The following ATCAY variants were observed in gnomAD, a reference collection of about 807,000 sequenced individuals.
ATCAY encodes the protein ATCAY kinesin light chain interacting caytaxin.
A neutral mutation model predicts 47.7 loss-of-function variants in ATCAY; 22 were observed. The ratio of observed to expected loss-of-function variants is 0.46; its 90% confidence interval spans 0.33 to 0.66. ATCAY has a LOEUF of 0.66. Among genes scored for constraint, ATCAY ranks in the 30% least tolerant of loss-of-function variants. ATCAY has a pLI of 0.02. For missense variants in ATCAY, 452 were observed against 515.0 expected (o/e 0.88, Z 1.18); for synonymous variants, 216 against 207.6 (o/e 1.04, Z -0.35).
In ATCAY at chr19:3,907,681, C is replaced by T. The variant is rs2038874510; in HGVS notation, c.359-53C>T. 1.2e-6 allele frequency: 2 copies of T among 1,600,866 alleles called. No homozygotes were observed. The highest frequency in any genetic ancestry group is 1.7e-5 in the Admixed American group (1 of 58,712). ...GGGGAAGGAAGGCTGAGCAGGAGGG[C>T]AGGAGATATCCGGACTCTGGCGTCC... On this transcript the variant is annotated intron_variant, in intron 4 of 12. Transcript: ENST00000450849. The surrounding 1 kb of genome is among the most constrained non-coding windows in gnomAD (Gnocchi z 5.1).
At chr19:3,923,858 GGATA>G (rs2039041929) in intron 12 of ATCAY, among the ~76,000 whole-genome samples, 1 of 150,138 alleles carries the variant, frequency 6.7e-6, no homozygotes, top group Non-Finnish European at 1.5e-5. Flanking sequence ...ATGGATGGAT[GGATA>G]GATAGGTGGA....
chr19:3,900,101 C>A (rs191548809), intron 2 of ATCAY, among the ~76,000 whole-genome samples: 2 of 151,938 alleles, frequency 1.3e-5, no homozygotes, highest in East Asian at 3.9e-4. Context: ...TGATCAATAA[C>A]AATATTGATC....
rs539306637 is a variant in ATCAY, at chr19:3,881,821, G to A, written c.-42+813G>A. On this transcript the variant is annotated intron_variant, in intron 1 of 12. Transcript: ENST00000450849. ...AGAGCAAATGCGTTTCTACTGCCGA[G>A]GAGAACTTACCCTCGCGGGAAGGGC... is the stretch of plus-strand genomic sequence containing the variant. Among the ~76,000 whole-genome samples the A allele has an allele frequency of 1.8e-4, 28 of 151,668 alleles. 1 individual carries two copies. In the South Asian group the frequency reaches 5.9e-3, roughly 32 times the overall value.
At chr19:3,882,157 T>A (rs1481033292) in intron 1 of ATCAY, among the ~76,000 whole-genome samples, 3 of 152,106 alleles carry the variant, frequency 2.0e-5, no homozygotes, top group Admixed American at 2.0e-4. Context: ...AGAGGCAGCC[T>A]GGATGCCATG....
Position 3,885,860 on chromosome 19 carries a change from C to G in ATCAY, c.77+16C>G. ...ATCTTCCCAGGTAGGACTTCCACAT[C>G]CCTGAGTCAACCGTTGGGGGAGCAG... On this transcript the variant is annotated intron_variant, in intron 2 of 12. Transcript: ENST00000450849. 6.4e-7 allele frequency: 1 copy of G among 1,550,830 alleles called. No individual in the cohort carries two copies. Among genetic ancestry groups the G allele is most frequent in the African/African-American group, 1.4e-5 (1 of 73,110 alleles).
chr19:3,890,239 C>T (rs1367601977), intron 2 of ATCAY, among the ~76,000 whole-genome samples: 1 of 138,136 alleles, frequency 7.2e-6, no homozygotes, highest in Non-Finnish European at 1.5e-5. Context: ...GGCCCAGCTC[C>T]ACCTATAATT....
chr19:3,907,842 C>T lies in ATCAY; in HGVS notation c.467C>T (p.Thr156Ile), dbSNP rs749084637. 6.2e-7 allele frequency: 1 copy of T among 1,613,980 alleles called. No homozygotes were observed. Among genetic ancestry groups the T allele is most frequent in the Non-Finnish European group, 8.5e-7 (1 of 1,179,860 alleles). ...GCCGCCAACGGGCGCCTGTGGCGGA[C>T]AGTGATCATCGGGGAGCAAGAGCAC... ...GSAANGRLWR[T>I]VIIGEQEHRI... is the part of the protein sequence containing the mutation. Residue 156 changes from threonine (T) to isoleucine (I), a missense_variant, in exon 5 of 13, where the codon ACA becomes ATA. Thr to Ile is a moderately conservative substitution (Grantham distance 89). Coordinates refer to ENST00000450849, the MANE Select transcript of ATCAY (RefSeq NM_033064.5). The surrounding 1 kb of genome is among the most constrained non-coding windows in gnomAD (Gnocchi z 5.1).
In ATCAY at chr19:3,907,241, T is replaced by C. The variant is rs1281721778; in HGVS notation, c.359-493T>C. The stretch of plus-strand genomic sequence containing the variant: ...AGGAGGATCGCTTAAGGCCAGGAGT[T>C]TGAGACCAGCCTGGGCAACATATTG... On this transcript the variant is annotated intron_variant, in intron 4 of 12. Coordinates refer to ENST00000450849, the MANE Select transcript of ATCAY (RefSeq NM_033064.5). The surrounding 1 kb of genome is among the most constrained non-coding windows in gnomAD (Gnocchi z 5.1). Among the ~76,000 whole-genome samples the C allele has an allele frequency of 6.6e-6, 1 of 151,930 alleles. No homozygotes were observed. The highest frequency in any genetic ancestry group is 1.9e-4 in the East Asian group (1 of 5,178).
At chr19:3,905,145 A>T (rs1315658886) in intron 3 of ATCAY, among the ~76,000 whole-genome samples, 2 of 152,180 alleles carry the variant, frequency 1.3e-5, no homozygotes, top group Non-Finnish European at 1.5e-5. Flanking sequence ...GGCGTGAGCC[A>T]CCGCACCCGG....
chr19:3,918,720 A>G (rs2038989399), intron 10 of ATCAY, 86 bp from the exon 11 acceptor site: 16 of 1,442,236 alleles, frequency 1.1e-5, no homozygotes, highest in Non-Finnish European at 1.4e-5. Flanking sequence ...GGACAGGAAA[A>G]CCAGAGAGGC....
intron 2 of ATCAY, among the ~76,000 whole-genome samples, chr19:3,899,409 G>A (rs910362807): frequency 6.7e-6 from 1 of 149,642 alleles, no homozygotes; most frequent in Non-Finnish European, 1.5e-5. Flanking sequence ...CGCCTCCAGG[G>A]TTCAAGTGAT....
In ATCAY at chr19:3,920,446, G is replaced by A. The variant is rs113333586; in HGVS notation, c.1074-320G>A. On this transcript the variant is annotated intron_variant, in intron 11 of 12. Coordinates refer to ENST00000450849, the MANE Select transcript of ATCAY (RefSeq NM_033064.5). ...CAACCTCCACCTCCCGGGTTCAAGC[G>A]ATTCTCCTGCCTCAGCCTCCCGAGT... 660 of 159,096 alleles carry A rather than the reference G, an allele frequency of 4.1e-3. 5 individuals are homozygous for A. Among genetic ancestry groups the A allele is most frequent in the African/African-American group, 0.015 (626 of 41,422 alleles). The allele number at this position is 159,096 out of a possible 1,614,324, so 9.9% of individuals were successfully genotyped here. A position where few individuals can be genotyped will look rare whatever the true frequency, so the allele number is the denominator to read the frequency against.
chr19:3,907,710 C>A lies in ATCAY; in HGVS notation c.359-24C>A, dbSNP rs751261320. ...AGATATCCGGACTCTGGCGTCCATG[C>A]GACTCTCCGCCACCTGCTTCTAGAC... On this transcript the variant is annotated intron_variant, in intron 4 of 12. Transcript: ENST00000450849. This position sits in a 1 kb window ranked among gnomAD's most constrained non-coding sequence, Gnocchi z 5.1. 1.2e-5 allele frequency: 19 copies of A among 1,612,896 alleles called. No homozygotes were observed. Among genetic ancestry groups the A allele is most frequent in the Admixed American group, 1.7e-5 (1 of 59,756 alleles).
chr19:3,919,570 G>A (rs1336213007), intron 11 of ATCAY, among the ~76,000 whole-genome samples: 3 of 151,768 alleles, frequency 2.0e-5, no homozygotes, highest in Non-Finnish European at 4.4e-5. Context: ...CCAGCCTGGC[G>A]ACAGAATGAG....
intron 5 of ATCAY, 99 bp downstream of exon 5, chr19:3,908,018 GC>G (rs2038880396): frequency 6.9e-7 from 1 of 1,450,140 alleles, no homozygotes; most frequent in South Asian, 1.2e-5. Flanking sequence ...GGGATGTTAA[GC>G]CGTCAACTCG....
rs145391309 is a variant in ATCAY, at chr19:3,924,895, G to A, written c.*303G>A. 15 of 381,584 alleles carry A rather than the reference G, an allele frequency of 3.9e-5. No homozygotes were observed. The highest frequency in any genetic ancestry group is 6.7e-5 in the Non-Finnish European group (14 of 207,712). The allele number at this position is 381,584 out of a possible 1,614,324, so 23.6% of individuals were successfully genotyped here. ...AGGCAAGAAGCGCAGGGGGTGGCCC[G>A]CGTGGCGTCGGTGGCCTCCGCTCCT... On this transcript the variant is annotated 3_prime_UTR_variant, in exon 13 of 13. Transcript: ENST00000450849.
At position 3,910,842 on chromosome 19, in the gene ATCAY, C is replaced by T. The variant is rs1014676893; in HGVS notation, c.819C>T (p.Pro273=). 8 of 1,613,922 alleles carry T rather than the reference C, an allele frequency of 5.0e-6. No homozygotes were observed. In the African/African-American group the frequency reaches 5.3e-5, roughly 11 times the overall value. ...TGAAGTCCTTGATCATCGTCCACCC[C>T]TCGTGGTTCATTCGGACTGTGCTGG... ...KNLKSLIIVH[P]SWFIRTVLAI... is the part of the protein sequence containing the mutation. The change falls in exon 8 of 13, where the codon CCC becomes CCT. Residue 273 remains proline, a synonymous_variant. Coordinates refer to ENST00000450849, the MANE Select transcript of ATCAY (RefSeq NM_033064.5).
At chr19:3,924,466 G>T (rs769465802) in intron 12 of ATCAY, 117 bp from the exon 13 acceptor site, 5 of 1,254,416 alleles carry the variant, frequency 4.0e-6, no homozygotes, top group Non-Finnish European at 5.8e-6. Context: ...CACTCTTGCT[G>T]CTGGGAGTTC....
chr19:3,924,864 C>G lies in ATCAY; in HGVS notation c.*272C>G, dbSNP rs904830765. Reference sequence around the variant, plus strand: ...CCTTCCACACTCACGAACTCTCAGCCGAGGAAGGCAAGAAGCGCAGGGGGT... The same window carrying G: ...CCTTCCACACTCACGAACTCTCAGCGGAGGAAGGCAAGAAGCGCAGGGGGT... On this transcript the variant is annotated 3_prime_UTR_variant, in exon 13 of 13. Transcript: ENST00000450849. The G allele has an allele frequency of 3.1e-5, 14 of 450,176 alleles. No individual in the cohort carries two copies. The highest frequency in any genetic ancestry group is 4.4e-5 in the Non-Finnish European group (11 of 249,870). The allele number at this position is 450,176 out of a possible 1,614,324, so 27.9% of individuals were successfully genotyped here. A position where few individuals can be genotyped will look rare whatever the true frequency, so the allele number is the denominator to read the frequency against.
Sources: gnomAD v4.1 joint callset for allele counts (sites outside exome capture counted in the v4.1 genomes callset) on GRCh38, gnomAD v4.1.1 for gene constraint, Gnocchi (gnomAD v3.1) non-coding constraint, MANE v1.5 for transcripts, NCBI Gene and HGNC (gene_info 2026-07-23, HGNC 2026-07-21) for gene names.